PCDH9: variants seen among roughly 807,000 people sequenced by gnomAD.
PCDH9 encodes protocadherin-9.
PCDH9 carries 24 observed loss-of-function variants against 70.6 expected under a neutral mutation model. The ratio of observed to expected loss-of-function variants is 0.34; its 90% CI spans 0.25 to 0.48. The LOEUF (loss-of-function observed/expected upper bound fraction) is 0.48. PCDH9 is among the 20% of genes least tolerant of loss of function. The pLI is 0.99. For missense variants in PCDH9, 1,281 were observed against 1,503.6 expected (o/e 0.85, Z 2.45); for synonymous variants, 562 against 558.5 (o/e 1.01, Z -0.09).
intron 3 of PCDH9, among the ~76,000 whole-genome samples, chr13:66,749,087 G>T (rs187608128): frequency 2.2e-4 from 33 of 152,224 alleles, no homozygotes; most frequent in Admixed American, 1.2e-3. Flanking sequence ...AGTTTCCTGA[G>T]GCCTCCCCAG....
chr13:66,315,439 A>G (rs551569864), intron 4 of PCDH9, among the ~76,000 whole-genome samples: 1 of 152,112 alleles, frequency 6.6e-6, no homozygotes, highest in African/African-American at 2.4e-5. Flanking sequence ...AAGTCCTTTC[A>G]TCTACCAGCT....
At chr13:66,431,462 C>G (rs1249140101) in intron 4 of PCDH9, among the ~76,000 whole-genome samples, 2 of 151,962 alleles carry the variant, frequency 1.3e-5, no homozygotes, top group Non-Finnish European at 2.9e-5. Context: ...CCACTCTACT[C>G]CATGATCTTA....
Position 67,226,423 on chromosome 13 carries a change from G to A in PCDH9, c.2018C>T (p.Pro673Leu). The A allele has an allele frequency of 6.2e-7, 1 of 1,614,068 alleles. No homozygotes were observed. The highest frequency in any genetic ancestry group is 8.5e-7 in the Non-Finnish European group (1 of 1,179,974). Residue 673 changes from proline (P) to leucine (L), a missense_variant, in exon 2 of 5, where the codon CCA becomes CTA. By Grantham distance (98) the Pro-to-Leu change is moderately conservative (BLOSUM62 -3). Coordinates refer to ENST00000377865, the MANE Select transcript of PCDH9 (RefSeq NM_203487.3). This position sits in a 1 kb window ranked among gnomAD's most constrained non-coding sequence, Gnocchi z 5.0. The part of the protein sequence containing the change: ...INVMDVNDNS[P>L]VVISPPSNTS... ...ATTAGACGGTGGAGAAATGACAACTGGGCTGTTGTCATTGACATCCATGAC... is the reference window on the plus strand; with the variant it reads ...ATTAGACGGTGGAGAAATGACAACTAGGCTGTTGTCATTGACATCCATGAC...
At chr13:66,509,791 T>C (rs1431026856) in intron 4 of PCDH9, among the ~76,000 whole-genome samples, 1 of 152,150 alleles carries the variant, frequency 6.6e-6, no homozygotes, top group Non-Finnish European at 1.5e-5. Flanking sequence ...GGCTGTCTAA[T>C]TTTTTCTAGT....
At chr13:66,626,863 T>C (rs1369759247) in intron 4 of PCDH9, among the ~76,000 whole-genome samples, 2 of 152,032 alleles carry the variant, frequency 1.3e-5, no homozygotes, top group Non-Finnish European at 2.9e-5. Flanking sequence ...TTAGATATAA[T>C]ATAAAATCGA....
chr13:66,935,509 A>AATAC (rs2082901631), intron 2 of PCDH9, among the ~76,000 whole-genome samples: 3 of 152,312 alleles, frequency 2.0e-5, no homozygotes, highest in African/African-American at 7.2e-5. Flanking sequence ...TACAATGTGC[A>AATAC]AATAAATTGA....
intron 3 of PCDH9, among the ~76,000 whole-genome samples, chr13:66,828,810 A>AAAAAAAAAAAATAATAATAATAAT (rs71207607): frequency 2.7e-5 from 4 of 148,608 alleles, no homozygotes; most frequent in Admixed American, 1.4e-4. Context: ...GCCATACATA[A>AAAAAAAAAAAATAATAATAATAAT]AATAATAATA....
At chr13:66,759,587 C>T (rs558871702) in intron 3 of PCDH9, among the ~76,000 whole-genome samples, 2 of 151,234 alleles carry the variant, frequency 1.3e-5, no homozygotes, top group South Asian at 2.1e-4. Flanking sequence ...TTCTTTCTTC[C>T]TCATTTAGTT....
rs540023833 is a variant in PCDH9 at position 66,319,459 on chromosome 13, C to T, written c.3341-14431G>A. Among the ~76,000 whole-genome samples the T allele has an allele frequency of 2.6e-5, 4 of 150,988 alleles. No homozygotes were observed. The South Asian group carries it at 8.3e-4, about 31-fold the overall frequency. On this transcript the variant is annotated intron_variant, in intron 4 of 4. Coordinates refer to ENST00000377865, the MANE Select transcript of PCDH9 (RefSeq NM_203487.3). ...CAAATCACAATGTGAAAGCATGACT[C>T]CTCCCTGTGAGGTGCCATGGCTTGA... is the stretch of plus-strand genomic sequence containing the variant.
chr13:66,961,366 C>CCAT (rs1262609888), intron 2 of PCDH9, among the ~76,000 whole-genome samples: 2 of 152,064 alleles, frequency 1.3e-5, no homozygotes, highest in African/African-American at 4.8e-5. Flanking sequence ...AATACCAGAC[C>CCAT]CATCACCTGA....
intron 4 of PCDH9, among the ~76,000 whole-genome samples, chr13:66,550,024 T>G (rs1452765442): frequency 6.6e-6 from 1 of 152,136 alleles, no homozygotes; most frequent in Non-Finnish European, 1.5e-5. Flanking sequence ...CTTCTATATT[T>G]AGCCCAAGAG....
At chr13:66,911,482 T>G (rs1037622463) in intron 2 of PCDH9, among the ~76,000 whole-genome samples, 11 of 152,210 alleles carry the variant, frequency 7.2e-5, no homozygotes, top group African/African-American at 1.7e-4. Context: ...AAATCGTAGC[T>G]GCTTCTGTGC....
chr13:66,612,814 T>C (rs1281423246), intron 4 of PCDH9, among the ~76,000 whole-genome samples: 2 of 151,494 alleles, frequency 1.3e-5, no homozygotes, highest in Non-Finnish European at 2.9e-5. Flanking sequence ...CTGTTGAGAG[T>C]CCATGTTTCT....
At chr13:66,591,365 A>AT (rs1371676222) in intron 4 of PCDH9, among the ~76,000 whole-genome samples, 1 of 151,628 alleles carries the variant, frequency 6.6e-6, no homozygotes, top group East Asian at 1.9e-4. Context: ...GATTTTTCTA[A>AT]TACTGCATTT....
At chr13:66,938,013 T>C (rs1006769341) in intron 2 of PCDH9, among the ~76,000 whole-genome samples, 2 of 152,208 alleles carry the variant, frequency 1.3e-5, no homozygotes, top group Non-Finnish European at 1.5e-5. Context: ...ATCATAATCA[T>C]TTATATGGGT....
At chr13:67,196,713 GTC>G (rs2089074563) in intron 2 of PCDH9, among the ~76,000 whole-genome samples, 1 of 151,792 alleles carries the variant, frequency 6.6e-6, no homozygotes, top group African/African-American at 2.4e-5. Context: ...GCATATTTTT[GTC>G]TCTTTTTCAA....
At chr13:66,438,992 A>C (rs1957927212) in intron 4 of PCDH9, among the ~76,000 whole-genome samples, 1 of 152,192 alleles carries the variant, frequency 6.6e-6, no homozygotes, top group Admixed American at 6.5e-5. Context: ...GGGCAGTCTG[A>C]GCTTAGTCAA....
intron 3 of PCDH9, among the ~76,000 whole-genome samples, chr13:66,746,823 T>C (rs1169238689): frequency 1.4e-4 from 22 of 152,252 alleles, no homozygotes; most frequent in Non-Finnish European, 4.4e-5. Context: ...GAAAAAGAAA[T>C]TAATATTTTG....
intron 2 of PCDH9, among the ~76,000 whole-genome samples, chr13:67,168,323 A>T (rs772538153): frequency 5.9e-5 from 9 of 152,180 alleles, no homozygotes; most frequent in Non-Finnish European, 8.8e-5. Flanking sequence ...CTGAGGGCTG[A>T]TACAGAACGT....
Sources: allele counts gnomAD v4.1 joint callset (sites outside exome capture counted in the v4.1 genomes callset), GRCh38; gene constraint gnomAD v4.1.1; non-coding constraint Gnocchi (gnomAD v3.1); transcripts MANE v1.5; gene names NCBI Gene and HGNC (gene_info 2026-07-23, HGNC 2026-07-21).